The following CHCHD6 variants were observed in gnomAD, a reference collection of about 807,000 sequenced individuals.
CHCHD6 encodes the protein coiled-coil-helix-coiled-coil-helix domain containing 6.
Under a neutral mutation model 32.3 loss-of-function variants are expected in CHCHD6, and 28 were observed. The ratio of observed to expected loss-of-function variants is 0.87; its 90% CI spans 0.64 to 1.19. The LOEUF is 1.19. CHCHD6 is among the 50% of genes most tolerant of loss of function. The pLI is 0.00. For synonymous variants in CHCHD6, 122 were observed against 117.5 expected (o/e 1.04, Z -0.25); for missense variants, 333 against 307.0 (o/e 1.08, Z -0.63).
intron 5 of CHCHD6, among the ~76,000 whole-genome samples, chr3:126,854,578 T>C (rs1196082940): frequency 6.6e-6 from 1 of 152,264 alleles, no homozygotes; most frequent in Non-Finnish European, 1.5e-5. Context: ...CTTTTTTTAT[T>C]AGCTGTTGCT....
intron 6 of CHCHD6, among the ~76,000 whole-genome samples, chr3:126,945,624 TGGG>T (rs1437116833): frequency 3.0e-5 from 1 of 32,822 alleles, no homozygotes; most frequent in African/African-American, 1.3e-4. Context: ...GGAGACTTGA[TGGG>T]GGAGACTCAA....
intron 4 of CHCHD6, among the ~76,000 whole-genome samples, chr3:126,770,457 G>A (rs1238294394): frequency 6.6e-6 from 1 of 152,200 alleles, no homozygotes; most frequent in Non-Finnish European, 1.5e-5. Context: ...TATGATACTG[G>A]ATGTGGATTT....
intron 4 of CHCHD6, among the ~76,000 whole-genome samples, chr3:126,805,540 G>T (rs1231767816): frequency 6.6e-6 from 1 of 151,704 alleles, no homozygotes. Context: ...CACTGCTCAA[G>T]GAAATAAAAG....
At chr3:126,905,128 C>G (rs191776581) in intron 5 of CHCHD6, among the ~76,000 whole-genome samples, 1 of 152,280 alleles carries the variant, frequency 6.6e-6, no homozygotes, top group Admixed American at 6.5e-5. Context: ...ATTCATACTT[C>G]AAGCAGGCAT....
At chr3:126,832,153 C>A (rs755770987) in intron 4 of CHCHD6, among the ~76,000 whole-genome samples, 1 of 152,150 alleles carries the variant, frequency 6.6e-6, no homozygotes, top group South Asian at 2.1e-4. Flanking sequence ...AGAGGCAAGG[C>A]GGCTCTGCCA....
chr3:126,922,770 C>A (rs1386970678), intron 6 of CHCHD6, among the ~76,000 whole-genome samples: 2 of 152,104 alleles, frequency 1.3e-5, no homozygotes, highest in East Asian at 3.9e-4. Flanking sequence ...GCATCTTATG[C>A]AGGCATTTAC....
intron 4 of CHCHD6, among the ~76,000 whole-genome samples, chr3:126,748,232 G>T (rs534430593): frequency 5.3e-5 from 8 of 152,158 alleles, no homozygotes; most frequent in South Asian, 2.1e-4. Flanking sequence ...GCCATAGAGT[G>T]TCTTGGAATC....
chr3:126,847,777 C>T (rs950298616), intron 4 of CHCHD6, among the ~76,000 whole-genome samples: 1 of 152,054 alleles, frequency 6.6e-6, no homozygotes. Context: ...CCCTAAGTCA[C>T]CCCTACCAGT....
At chr3:126,914,093 G>C (rs2078134679) in intron 5 of CHCHD6, among the ~76,000 whole-genome samples, 1 of 152,190 alleles carries the variant, frequency 6.6e-6, no homozygotes, top group African/African-American at 2.4e-5. Context: ...GGTGGTCAGG[G>C]TAGGCAGCAG....
intron 4 of CHCHD6, among the ~76,000 whole-genome samples, chr3:126,810,805 A>G (rs1222576714): frequency 1.3e-5 from 2 of 152,206 alleles, no homozygotes; most frequent in Non-Finnish European, 2.9e-5. Context: ...GGATGCTATC[A>G]TACTACCGTG....
At chr3:126,912,171 G>A (rs550500060) in intron 5 of CHCHD6, among the ~76,000 whole-genome samples, 28 of 152,172 alleles carry the variant, frequency 1.8e-4, no homozygotes, top group Non-Finnish European at 2.6e-4. Flanking sequence ...ATGCCAAAGC[G>A]CAAATCAAAA....
chr3:126,704,734 C>T (rs534146985), intron 1 of CHCHD6, among the ~76,000 whole-genome samples: 1 of 152,248 alleles, frequency 6.6e-6, no homozygotes, highest in Non-Finnish European at 1.5e-5. Context: ...GCCCGTGGCC[C>T]CTCAGGTGCG....
At chr3:126,745,560 G>A (rs1936463190) in intron 4 of CHCHD6, among the ~76,000 whole-genome samples, 2 of 152,154 alleles carry the variant, frequency 1.3e-5, no homozygotes, top group Admixed American at 6.5e-5. Flanking sequence ...GGATAGAAGT[G>A]GGTAGTGATT....
intron 4 of CHCHD6, among the ~76,000 whole-genome samples, chr3:126,778,274 GGTTATATA>G (rs1222847256): frequency 6.6e-6 from 1 of 152,102 alleles, no homozygotes; most frequent in East Asian, 1.9e-4. Context: ...TATTCCTGTT[GGTTATATA>G]CTTTGCAATG....
At chr3:126,797,948 G>T (rs1938872823) in intron 4 of CHCHD6, among the ~76,000 whole-genome samples, 1 of 152,170 alleles carries the variant, frequency 6.6e-6, no homozygotes. Context: ...GGAGGGTTTG[G>T]GAGTTGATGA....
chr3:126,745,540 A>G (rs1293380609), intron 4 of CHCHD6, among the ~76,000 whole-genome samples: 1 of 152,206 alleles, frequency 6.6e-6, no homozygotes, highest in Non-Finnish European at 1.5e-5. Flanking sequence ...GGTGACTAAT[A>G]GAGTCTAAAG....
intron 4 of CHCHD6, among the ~76,000 whole-genome samples, chr3:126,739,360 T>TTGTTGA (rs1285555519): frequency 6.6e-6 from 1 of 152,148 alleles, no homozygotes; most frequent in Admixed American, 6.5e-5. Flanking sequence ...GTTGTTGTTG[T>TTGTTGA]TACAACCCTA....
At chr3:126,756,791 C>G (rs1208909159) in intron 4 of CHCHD6, among the ~76,000 whole-genome samples, 1 of 152,186 alleles carries the variant, frequency 6.6e-6, no homozygotes, top group East Asian at 1.9e-4. Flanking sequence ...AAGCTCTTAC[C>G]CTTTAGCACT....
intron 4 of CHCHD6, among the ~76,000 whole-genome samples, chr3:126,839,564 A>C (rs987369115): frequency 2.0e-5 from 3 of 152,050 alleles, no homozygotes; most frequent in Non-Finnish European, 4.4e-5. Context: ...TGGAGGGATC[A>C]TTGTGCTTTC....
Sources: allele counts gnomAD v4.1 joint callset (sites outside exome capture counted in the v4.1 genomes callset), GRCh38; gene constraint gnomAD v4.1.1; transcripts MANE v1.5; gene names NCBI Gene and HGNC (gene_info 2026-07-23, HGNC 2026-07-21).